The following SSC4D variants were observed in gnomAD, a reference collection of about 807,000 sequenced individuals.
SSC4D encodes scavenger receptor cysteine-rich domain-containing group B protein.
SSC4D carries 57 observed loss-of-function variants against 63.4 expected under a neutral mutation model. The observed-to-expected ratio is 0.90, with a 90% CI of 0.73 to 1.12. The LOEUF is 1.12. Among genes scored for constraint, SSC4D ranks in the 50% most tolerant of loss-of-function variants. The pLI is 0.00. For synonymous variants in SSC4D, 352 were observed against 345.4 expected, an observed-to-expected ratio of 1.02 and a Z score of -0.21; for missense variants, 791 against 806.4, an observed-to-expected ratio of 0.98 and a Z score of 0.23.
intron 1 of SSC4D, among the ~76,000 whole-genome samples, 194 bp downstream of exon 1, chr7:76,409,220 T>C (rs1805150950): frequency 6.6e-6 from 1 of 151,462 alleles, no homozygotes; most frequent in South Asian, 2.1e-4. Flanking sequence ...GGCTACAGAA[T>C]CATAGAAAAC....
intron 1 of SSC4D, among the ~76,000 whole-genome samples, chr7:76,407,891 T>G (rs1420209521): frequency 6.6e-6 from 1 of 152,116 alleles, no homozygotes; most frequent in Non-Finnish European, 1.5e-5. Flanking sequence ...ACTGGTTGGT[T>G]GGGGAGAGAT....
At position 76,390,190 on chromosome 7, in the gene SSC4D, C is replaced by T. The variant is rs1374036881; in HGVS notation, c.1597G>A (p.Gly533Ser). The T allele has an allele frequency of 3.1e-6, 5 of 1,614,234 alleles. No individual in the cohort carries two copies. In the East Asian group the frequency reaches 8.9e-5, roughly 29 times the overall value. The change falls in exon 11 of 11, where the codon GGC (glycine) becomes AGC (serine). Residue 533 changes from glycine to serine, a missense_variant. Physicochemically the swap from Gly to Ser is moderately conservative, Grantham distance 56. Transcript: ENST00000275560. ...PGEAHFGPGR[G>S]PILLDNVKCR... is the part of the protein sequence containing the mutation. Reference sequence around the variant, plus strand: ...TTGACATTGTCCAGGAGAATGGGGCCTCGGCCTGGGCCAAAGTGAGCCTCG... The same window carrying T: ...TTGACATTGTCCAGGAGAATGGGGCTTCGGCCTGGGCCAAAGTGAGCCTCG...
Position 76,389,941 on chromosome 7 carries a change from C to A in SSC4D, c.*118G>T. ...ACTGCACTGTCTAGGTAGGCTCTCT[C>A]CCAGGCAAGGGAAGGAGGGGCAAAG... On this transcript the variant is annotated 3_prime_UTR_variant, in exon 11 of 11. Transcript: ENST00000275560. The A allele has an allele frequency of 1.4e-6, 2 of 1,386,504 alleles. No individual in the cohort carries two copies. Among genetic ancestry groups the A allele is most frequent in the Non-Finnish European group, 2.0e-6 (2 of 1,000,840 alleles). The allele number at this position is 1,386,504 out of a possible 1,614,324, so 85.9% of individuals were successfully genotyped here.
intron 10 of SSC4D, among the ~76,000 whole-genome samples, chr7:76,391,226 G>A (rs1424498757): frequency 6.6e-6 from 1 of 152,098 alleles, no homozygotes; most frequent in Admixed American, 6.6e-5. Flanking sequence ...TTGAGGTCAG[G>A]AGTTCGTGAC....
rs1413410840 is a variant in SSC4D, at chr7:76,398,738, T to C, written c.535A>G (p.Thr179Ala). The part of the protein sequence containing the change: ...KMLTSRAPPT[T>A]LPNGKSEGSV... ...TACGTACTTTTTCCATTCGGCAGTG[T>C]CGTAGGAGGTGCTCTACTGGTTAAC... Residue 179 changes from threonine (T) to alanine (A), a missense_variant, in exon 5 of 11, where the codon ACA becomes GCA. By Grantham distance (58) the Thr-to-Ala change is moderately conservative. Coordinates refer to ENST00000275560, the MANE Select transcript of SSC4D (RefSeq NM_080744.2). The C allele has an allele frequency of 6.2e-7, 1 of 1,613,356 alleles. No homozygotes were observed. The highest frequency in any genetic ancestry group is 1.3e-5 in the African/African-American group (1 of 74,928).
At chr7:76,394,706 G>A (rs966028445) in intron 7 of SSC4D, among the ~76,000 whole-genome samples, 98 of 146,608 alleles carry the variant, frequency 6.7e-4, no homozygotes, top group Non-Finnish European at 1.2e-3. Context: ...GGGATTACAG[G>A]CATGAGCCAC....
chr7:76,394,811 ATG>A (rs1390576853), intron 7 of SSC4D, among the ~76,000 whole-genome samples: 16 of 144,708 alleles, frequency 1.1e-4, no homozygotes, highest in Middle Eastern at 3.7e-3. Flanking sequence ...TATATAAAAT[ATG>A]TGTATAATAT....
rs761236374 is a variant in SSC4D, at chr7:76,391,964, C to T, written c.1411G>A (p.Gly471Arg). ...CTTTCAGGGGATTATGGGCACCTAC[C>T]GTCCCTGGGCCGAGGAGTGGGCACC... ...TRVPTPRPRDGHLRLVNGAHR... is the reference protein window; with the variant it reads ...TRVPTPRPRDRHLRLVNGAHR... Residue 471 changes from glycine to arginine, a missense_variant and splice_region_variant, in exon 10 of 11, where the codon GGG becomes AGG. Transcript: ENST00000275560. The T allele has an allele frequency of 1.0e-5, 16 of 1,591,458 alleles. No homozygotes were observed. The highest frequency in any genetic ancestry group is 1.8e-5 in the Admixed American group (1 of 56,510).
Position 76,393,710 on chromosome 7 carries a change from C to G in SSC4D, c.1028G>C (p.Arg343Pro), listed in dbSNP as rs1470887385. ...ACCCGGGCCGCCCACCAGTCGCAGCCGTCCACCTGCGGGGCGCACAGGCCC... is the reference window on the plus strand; with the variant it reads ...ACCCGGGCCGCCCACCAGTCGCAGCGGTCCACCTGCGGGGCGCACAGGCCC... ...AAWAAGKKSG[R>P]LRLVGGPGPC... The change falls in exon 9 of 11, where the codon CGG (arginine) becomes CCG (proline). Residue 343 changes from arginine (R) to proline (P), a missense_variant. By Grantham distance (103) the Arg-to-Pro change is moderately radical (BLOSUM62 -2). Transcript: ENST00000275560. 7.2e-7 allele frequency: 1 copy of G among 1,392,326 alleles called. No individual in the cohort carries two copies. Among genetic ancestry groups the G allele is most frequent in the Non-Finnish European group, 9.3e-7 (1 of 1,080,614 alleles). 86.2% of individuals were successfully genotyped at this position (1,392,326 alleles called of 1,614,324 possible).
rs1348286600 is a variant in SSC4D at position 76,393,517 on chromosome 7, C to T, written c.1221G>A (p.Leu407=). Residue 407 remains leucine (L), a synonymous_variant, in exon 9 of 11, where the codon CTG becomes CTA. Coordinates refer to ENST00000275560, the MANE Select transcript of SSC4D (RefSeq NM_080744.2). The part of the protein sequence containing the change: ...GHFGYGRGPV[L]LDNVGCAGTE... ...TGCCGGCGCAGCCCACGTTGTCCAG[C>T]AGCACGGGGCCGCGGCCGTAGCCGA... is the stretch of plus-strand genomic sequence containing the variant. 1.4e-5 allele frequency: 21 copies of T among 1,524,882 alleles called. No homozygotes were observed. The highest frequency in any genetic ancestry group is 1.7e-5 in the Non-Finnish European group (20 of 1,143,082). 94.5% of individuals were successfully genotyped at this position (1,524,882 alleles called of 1,614,324 possible).
rs114782962 is a variant in SSC4D at position 76,400,481 on chromosome 7, C to T, written c.280G>A (p.Val94Ile). 1,831 of 1,606,606 alleles carry T rather than the reference C, an allele frequency of 1.1e-3. 15 individuals carry two copies. In the African/African-American group the frequency reaches 0.022, roughly 19 times the overall value. Residue 94 changes from valine to isoleucine, a missense_variant, in exon 4 of 11, where the codon GTA becomes ATA. Coordinates refer to ENST00000275560, the MANE Select transcript of SSC4D (RefSeq NM_080744.2). The part of the protein sequence containing the change: ...DDDWDVVDAN[V>I]VCRQLGCGLA... Reference sequence around the variant, plus strand: ...CCACAGCCCAGCTGGCGACACACTACGTTGGCGTCCACCACGTCCCAGTCG... The same window carrying T: ...CCACAGCCCAGCTGGCGACACACTATGTTGGCGTCCACCACGTCCCAGTCG...
intron 2 of SSC4D, among the ~76,000 whole-genome samples, chr7:76,402,841 A>G (rs1804874781): frequency 1.3e-5 from 2 of 150,636 alleles, no homozygotes; most frequent in South Asian, 4.2e-4. Flanking sequence ...CTAATTTTGT[A>G]TTTTTAGTAG....
At position 76,393,914 on chromosome 7, in the gene SSC4D, C is replaced by T; in HGVS notation, c.947-10G>A. On this transcript the variant is annotated splice_polypyrimidine_tract_variant and intron_variant, in intron 7 of 10. Transcript: ENST00000275560. ...GGGCCAACTCCTGTAGCTGTGGAGA[C>T]AGGGCATCTAGGGCGTTCGAAGGGG... 6.3e-7 allele frequency: 1 copy of T among 1,596,932 alleles called. No individual in the cohort carries two copies. Among genetic ancestry groups the T allele is most frequent in the South Asian group, 1.1e-5 (1 of 88,402 alleles).
Position 76,395,338 on chromosome 7 carries a change from AG to A in SSC4D, c.869-9del. 1 of 1,613,802 alleles carries A rather than the reference AG, an allele frequency of 6.2e-7. No homozygotes were observed. Among genetic ancestry groups the A allele is most frequent in the Non-Finnish European group, 8.5e-7 (1 of 1,179,926 alleles). ...GCGTTGGGGGACCCAGGCCTAGGGCAGGAGAGAAGGGGGCAGGGTCAGAGGC... is the reference window on the plus strand; with the variant it reads ...GCGTTGGGGGACCCAGGCCTAGGGCAGAGAGAAGGGGGCAGGGTCAGAGGC... On this transcript the variant is annotated splice_polypyrimidine_tract_variant and intron_variant, in intron 6 of 10. Coordinates refer to ENST00000275560, the MANE Select transcript of SSC4D (RefSeq NM_080744.2).
chr7:76,395,667 C>T (rs1303165401), intron 6 of SSC4D, among the ~76,000 whole-genome samples: 1 of 152,178 alleles, frequency 6.6e-6, no homozygotes, highest in African/African-American at 2.4e-5. Context: ...GAGGACCATA[C>T]ACAGGCCTGA....
intron 7 of SSC4D, 91 bp downstream of exon 7, chr7:76,395,162 C>A (rs1229192073): frequency 2.7e-6 from 4 of 1,474,568 alleles, no homozygotes; most frequent in African/African-American, 2.8e-5. Flanking sequence ...TTAGCCAGGG[C>A]CCCCGCCTGT....
Position 76,390,359 on chromosome 7 carries a change from G to A in SSC4D, c.1428C>T (p.Val476=). ...PRPRDGHLRL[V]NGAHRCEGRV... is the part of the protein sequence containing the mutation. ...GTCCCTCGCATCGGTGGGCTCCATTGACCAGACGTAGATGCCCTGTGGGGG... is the reference window on the plus strand; with the variant it reads ...GTCCCTCGCATCGGTGGGCTCCATTAACCAGACGTAGATGCCCTGTGGGGG... The change falls in exon 11 of 11, where the codon GTC becomes GTT. Residue 476 remains valine (V), a synonymous_variant. Coordinates refer to ENST00000275560, the MANE Select transcript of SSC4D (RefSeq NM_080744.2). The A allele has an allele frequency of 6.3e-7, 1 of 1,592,830 alleles. No individual in the cohort carries two copies.
intron 7 of SSC4D, 41 bp from the exon 8 acceptor site, chr7:76,393,945 G>A (rs780249488): frequency 1.9e-5 from 30 of 1,557,234 alleles, no homozygotes; most frequent in Non-Finnish European, 2.2e-5. Context: ...AGGGGACGAG[G>A]AGGCCTTCTG....
intron 7 of SSC4D, among the ~76,000 whole-genome samples, chr7:76,394,808 A>G (rs1269515884): frequency 1.1e-4 from 16 of 145,342 alleles, no homozygotes; most frequent in Middle Eastern, 3.6e-3. Flanking sequence ...AAATATATAA[A>G]ATATGTGTAT....
Sources: gnomAD v4.1 joint callset for allele counts (sites outside exome capture counted in the v4.1 genomes callset) on GRCh38, gnomAD v4.1.1 for gene constraint, MANE v1.5 for transcripts, NCBI Gene and HGNC (gene_info 2026-07-23, HGNC 2026-07-21) for gene names.